Variants in EHMT1 observed in about 807,000 individuals in gnomAD.
The protein encoded by EHMT1 is histone-lysine N-methyltransferase EHMT1.
Under a neutral mutation model 147.2 loss-of-function variants are expected in EHMT1, and 15 were observed. The observed-to-expected ratio is 0.10, with a 90% CI of 0.07 to 0.16. The LOEUF (loss-of-function observed/expected upper bound fraction) is 0.16, where lower values mean the gene tolerates loss of function less well. Among genes scored for constraint, EHMT1 ranks in the 10% least tolerant of loss-of-function variants. The pLI is 1.00. For missense variants in EHMT1, 1,587 were observed against 1,772.4 expected (o/e 0.90, Z 1.88); for synonymous variants, 795 against 709.6 (o/e 1.12, Z -1.91).
intron 16 of EHMT1, among the ~76,000 whole-genome samples, chr9:137,794,501 G>A (rs1952754437): frequency 6.6e-6 from 1 of 152,018 alleles, no homozygotes; most frequent in Non-Finnish European, 1.5e-5. Context: ...TGAAAAATTA[G>A]CTGGGCGTGG....
chr9:137,744,908 GT>G (rs1335533260), intron 6 of EHMT1, among the ~76,000 whole-genome samples: 2 of 152,270 alleles, frequency 1.3e-5, no homozygotes, highest in Admixed American at 1.3e-4. Context: ...AACTGAGGAA[GT>G]TCTTAGACAT....
At chr9:137,829,704 G>A (rs781262562) in intron 25 of EHMT1, among the ~76,000 whole-genome samples, 3 of 152,232 alleles carry the variant, frequency 2.0e-5, no homozygotes, top group African/African-American at 7.2e-5. Context: ...ACTGGCCAAC[G>A]GCCTGAGAAA....
intron 16 of EHMT1, among the ~76,000 whole-genome samples, chr9:137,796,703 CAA>C (rs11449759): frequency 4.7e-5 from 4 of 85,840 alleles, no homozygotes; most frequent in African/African-American, 1.0e-4. Flanking sequence ...GACTCCATCT[CAA>C]AAAAAAAAAA....
In EHMT1 at chr9:137,818,560, G is replaced by A. The variant is rs1015106978; in HGVS notation, c.3540+422G>A. ...ACTGTAGAGAGGCCGACTGAGGGGC[G>A]CCGTGTACCGAGACCGTAGAGAGGC... On this transcript the variant is annotated intron_variant, in intron 25 of 26. Transcript: ENST00000460843. 3.5e-5 allele frequency among the ~76,000 whole-genome samples: 5 copies of A among 142,806 alleles called. No homozygotes were observed. In the South Asian group the frequency reaches 6.4e-4, roughly 18 times the overall value. 93.7% of individuals were successfully genotyped at this position (142,806 alleles called of 152,430 possible).
chr9:137,686,629 A>G (rs1482707855), intron 1 of EHMT1, among the ~76,000 whole-genome samples: 2 of 151,226 alleles, frequency 1.3e-5, no homozygotes, highest in African/African-American at 4.9e-5. Context: ...GCCTCAAGCT[A>G]CTTGGCCTCC....
intron 25 of EHMT1, among the ~76,000 whole-genome samples, chr9:137,833,293 T>A (rs1359178981): frequency 6.6e-6 from 1 of 152,236 alleles, no homozygotes; most frequent in Non-Finnish European, 1.5e-5. Flanking sequence ...GGCTGTCGTC[T>A]GTGGTGTTGC....
Position 137,716,735 on chromosome 9 carries a change from T to A in EHMT1, c.195T>A (p.Ser65Arg). The change falls in exon 3 of 27, where the codon AGT (serine) becomes AGA (arginine). Residue 65 changes from serine to arginine, a missense_variant. Ser to Arg is a moderately radical substitution (Grantham distance 110). This residue lies in a region of EHMT1 where 810 missense variants were observed against 673.0 expected (regional missense o/e 1.20). Transcript: ENST00000460843. ...NGSCENSDAS[S>R]HANAAKHTQD... ...CTTGTGAAAACAGCGATGCCAGCAGTCATGCAAATGCTGCAAAGCACACTC... is the reference window on the plus strand; with the variant it reads ...CTTGTGAAAACAGCGATGCCAGCAGACATGCAAATGCTGCAAAGCACACTC... The A allele has an allele frequency of 6.2e-7, 1 of 1,612,476 alleles. No homozygotes were observed. The highest frequency in any genetic ancestry group is 8.5e-7 in the Non-Finnish European group (1 of 1,179,394).
chr9:137,671,496 C>G (rs1459728923), intron 1 of EHMT1, among the ~76,000 whole-genome samples: 1 of 151,386 alleles, frequency 6.6e-6, no homozygotes, highest in African/African-American at 2.4e-5. Context: ...ACCCAAAGAC[C>G]CGAAGAGTTG....
In EHMT1 at chr9:137,790,907, C is replaced by T. The variant is rs772286870; in HGVS notation, c.2442C>T (p.Ala814=). Reference sequence around the variant, plus strand: ...AGAGGACCCCGTTGATGGAAGCAGCCGAAAACAACCATCTGGAAGCAGTGA... The same window carrying T: ...AGAGGACCCCGTTGATGGAAGCAGCTGAAAACAACCATCTGGAAGCAGTGA... The part of the protein sequence containing the change: ...EDQRTPLMEA[A]ENNHLEAVKY... The change falls in exon 16 of 27, where the codon GCC becomes GCT. Residue 814 remains alanine, a synonymous_variant. Transcript: ENST00000460843. The T allele has an allele frequency of 7.7e-5, 125 of 1,613,998 alleles. No homozygotes were observed. In the Admixed American group the frequency reaches 1.3e-3, roughly 17 times the overall value.
intron 4 of EHMT1, among the ~76,000 whole-genome samples, chr9:137,735,255 G>A (rs1947434468): frequency 6.6e-6 from 1 of 152,196 alleles, no homozygotes; most frequent in Admixed American, 6.5e-5. Context: ...GCAAATGAAA[G>A]GGGTGGGAAC....
At chr9:137,795,435 A>T (rs1335200774) in intron 16 of EHMT1, among the ~76,000 whole-genome samples, 1 of 132,552 alleles carries the variant, frequency 7.5e-6, no homozygotes, top group African/African-American at 3.3e-5. Flanking sequence ...ACACTCTCAC[A>T]CTCACATACA....
intron 6 of EHMT1, 98 bp from the exon 7 acceptor site, chr9:137,752,233 G>A (rs533474318): frequency 1.5e-4 from 211 of 1,423,700 alleles, no homozygotes; most frequent in African/African-American, 3.4e-4. Flanking sequence ...GCCAGTGCCC[G>A]TTTCGAGGTT....
At chr9:137,763,311 T>A in intron 10 of EHMT1, 1 of 244,516 alleles carries the variant, frequency 4.1e-6, no homozygotes, top group Non-Finnish European at 8.0e-6. Context: ...GGAGGGGGGA[T>A]CAGGCAGAGC....
chr9:137,812,233 G>T (rs1954550226), intron 19 of EHMT1, among the ~76,000 whole-genome samples: 1 of 152,206 alleles, frequency 6.6e-6, no homozygotes, highest in Admixed American at 6.5e-5. Context: ...AGCTACTCCA[G>T]AGGCTGAGGC....
intron 15 of EHMT1, 61 bp from the exon 16 acceptor site, chr9:137,790,787 T>A (rs1952466089): frequency 6.2e-7 from 1 of 1,613,584 alleles, no homozygotes; most frequent in Admixed American, 1.7e-5. Flanking sequence ...GTAAGTCACT[T>A]CTCCCCAGGC....
At chr9:137,745,604 T>C in intron 6 of EHMT1, 1 of 398,642 alleles carries the variant, frequency 2.5e-6, no homozygotes, top group Non-Finnish European at 4.4e-6. Context: ...CAGGCAGCCC[T>C]GACTGCACCG....
chr9:137,802,405 A>G, intron 18 of EHMT1: 1 of 398,764 alleles, frequency 2.5e-6, no homozygotes, highest in Admixed American at 4.4e-5. Flanking sequence ...GTCTGCCTTC[A>G]CAGAGGGTTC....
intron 1 of EHMT1, chr9:137,667,317 G>C (rs1235706012): frequency 6.6e-6 from 1 of 152,196 alleles, no homozygotes; most frequent in African/African-American, 2.4e-5. Context: ...ACCTGGGTTA[G>C]CTCAACCCTT....
intron 18 of EHMT1, chr9:137,802,518 T>TAAA (rs1265700519): frequency 2.5e-6 from 1 of 398,524 alleles, no homozygotes; most frequent in Non-Finnish European, 4.4e-6. Context: ...AGCACACTAT[T>TAAA]AAATCTCCAA....
Sources: allele counts gnomAD v4.1 joint callset (sites outside exome capture counted in the v4.1 genomes callset), GRCh38; gene constraint gnomAD v4.1.1; regional missense constraint gnomAD v4.1.1; transcripts MANE v1.5; gene names NCBI Gene and HGNC (gene_info 2026-07-23, HGNC 2026-07-21).